The following SYN3 variants were observed in gnomAD, a reference collection of about 807,000 sequenced individuals.
SYN3 encodes the protein synapsin III, also known as synapsin-3.
In SYN3, 35 loss-of-function variants were observed where a neutral mutation model predicts 65.8. That is an observed-to-expected ratio of 0.53 (90% CI 0.41 to 0.70). SYN3 has a LOEUF of 0.70. SYN3 is among the 30% of genes least tolerant of loss of function. The probability of loss-of-function intolerance (pLI) is 0.00; values close to 1 mark genes in which losing one functional copy is unlikely to be tolerated. For missense variants in SYN3, 680 were observed against 749.0 expected (o/e 0.91, Z 1.08); for synonymous variants, 270 against 292.9 (o/e 0.92, Z 0.80).
intron 6 of SYN3, among the ~76,000 whole-genome samples, chr22:32,611,851 TC>T (rs2059450404): frequency 6.6e-6 from 1 of 152,168 alleles, no homozygotes; most frequent in South Asian, 2.1e-4. Context: ...CTTGGTGGGC[TC>T]CTGGATAGCT....
At chr22:32,766,102 G>A (rs978014433) in intron 6 of SYN3, among the ~76,000 whole-genome samples, 4 of 152,192 alleles carry the variant, frequency 2.6e-5, no homozygotes, top group Admixed American at 6.5e-5. Flanking sequence ...TGGAGAACTG[G>A]AGGAGGTATT....
chr22:32,541,627 G>A lies in SYN3; in HGVS notation c.861C>T (p.Ile287=), dbSNP rs746046047. 8.1e-6 allele frequency: 13 copies of A among 1,613,984 alleles called. No individual in the cohort carries two copies. Among genetic ancestry groups the A allele is most frequent in the Admixed American group, 3.3e-5 (2 of 59,994 alleles). The change falls in exon 8 of 14, where the codon ATC becomes ATT. Residue 287 remains isoleucine, a synonymous_variant. Transcript: ENST00000358763. Reference sequence around the variant, plus strand: ...GGATGCGGATGTCGTACTTGGAGTCGATGAAGGCCTCGGTGGTGGCGTAGG... The same window carrying A: ...GGATGCGGATGTCGTACTTGGAGTCAATGAAGGCCTCGGTGGTGGCGTAGG... The part of the protein sequence containing the change: ...AKTYATTEAF[I]DSKYDIRIQK...
At chr22:32,843,587 A>G (rs868370058) in intron 6 of SYN3, among the ~76,000 whole-genome samples, 18 of 152,278 alleles carry the variant, frequency 1.2e-4, no homozygotes, top group Middle Eastern at 3.4e-3. Context: ...GCCGTGAGAC[A>G]AGCTGGGTGA....
chr22:33,010,851 G>A (rs983906614), intron 1 of SYN3, among the ~76,000 whole-genome samples: 4 of 151,958 alleles, frequency 2.6e-5, no homozygotes, highest in African/African-American at 4.8e-5. Flanking sequence ...TTCCTATTTC[G>A]TTTGGGGTTT....
At chr22:32,851,664 A>T (rs1308730761) in intron 6 of SYN3, among the ~76,000 whole-genome samples, 1 of 152,188 alleles carries the variant, frequency 6.6e-6, no homozygotes, top group Non-Finnish European at 1.5e-5. Flanking sequence ...AGAGTCAAGC[A>T]TTTAACTAAG....
chr22:32,623,869 C>T (rs2059629134), intron 6 of SYN3, among the ~76,000 whole-genome samples: 1 of 152,162 alleles, frequency 6.6e-6, no homozygotes, highest in African/African-American at 2.4e-5. Context: ...GAGGTGTCCC[C>T]TCCCACCATA....
At position 32,785,471 on chromosome 22, in the gene SYN3, G is replaced by T. The variant is rs1420528874; in HGVS notation, c.711+79444C>A. ...CTGTAAGATGGAGTCCTGGGGGGCTGATGGAATAACACATGCTGGCTCCCA... is the reference window on the plus strand; with the variant it reads ...CTGTAAGATGGAGTCCTGGGGGGCTTATGGAATAACACATGCTGGCTCCCA... On this transcript the variant is annotated intron_variant, in intron 6 of 13. Coordinates refer to ENST00000358763, the MANE Select transcript of SYN3 (RefSeq NM_003490.4). Among the ~76,000 whole-genome samples the T allele has an allele frequency of 2.0e-5, 3 of 152,188 alleles. No homozygotes were observed. The South Asian group carries it at 6.2e-4, about 32-fold the overall frequency.
At chr22:33,018,168 G>C (rs1181389740) in intron 1 of SYN3, among the ~76,000 whole-genome samples, 1 of 152,210 alleles carries the variant, frequency 6.6e-6, no homozygotes, top group African/African-American at 2.4e-5. Flanking sequence ...AGCCAGACAG[G>C]TTAGAAGGCC....
At chr22:33,026,899 A>G (rs1277569884) in intron 1 of SYN3, among the ~76,000 whole-genome samples, 1 of 152,208 alleles carries the variant, frequency 6.6e-6, no homozygotes, top group Non-Finnish European at 1.5e-5. Context: ...TTCTGTTTTT[A>G]TCCCATTAGA....
intron 6 of SYN3, among the ~76,000 whole-genome samples, chr22:32,840,449 A>T (rs2047862420): frequency 1.3e-5 from 2 of 151,986 alleles, no homozygotes; most frequent in Admixed American, 1.3e-4. Context: ...TATTTGTGGG[A>T]CTTCTCTGAA....
chr22:32,684,119 C>T (rs965054436), intron 6 of SYN3, among the ~76,000 whole-genome samples: 1 of 152,158 alleles, frequency 6.6e-6, no homozygotes. Flanking sequence ...AGTGCTGCAT[C>T]CCTCCCAGGA....
chr22:32,595,395 T>A (rs941280577), intron 7 of SYN3, among the ~76,000 whole-genome samples: 6 of 152,238 alleles, frequency 3.9e-5, no homozygotes, highest in African/African-American at 1.4e-4. Flanking sequence ...TCTGCTGATC[T>A]TGGTAGATTC....
chr22:33,041,392 G>A (rs1002097619), intron 1 of SYN3, among the ~76,000 whole-genome samples: 1 of 150,292 alleles, frequency 6.7e-6, no homozygotes, highest in African/African-American at 2.5e-5. Flanking sequence ...CCAGGTTCAC[G>A]CCATTCTGCT....
chr22:32,762,370 A>G (rs1282277444), intron 6 of SYN3, among the ~76,000 whole-genome samples: 1 of 152,120 alleles, frequency 6.6e-6, no homozygotes, highest in Admixed American at 6.5e-5. Context: ...CCCTGTCCAT[A>G]CGTCTTTCCC....
At chr22:32,582,356 T>C (rs931224703) in intron 7 of SYN3, among the ~76,000 whole-genome samples, 2 of 42,886 alleles carry the variant, frequency 4.7e-5, no homozygotes, top group Admixed American at 5.0e-4. Context: ...CATTCTCCCT[T>C]TTTTTTTTTT....
rs133947 is a variant in SYN3 at position 33,007,940 on chromosome 22, A to AT, written c.-162-1117dup. Among the ~76,000 whole-genome samples the AT allele has an allele frequency of 3.4e-4, 50 of 146,382 alleles. No individual in the cohort carries two copies. The East Asian group carries it at 3.9e-3, about 12-fold the overall frequency. On this transcript the variant is annotated intron_variant, in intron 1 of 13. Transcript: ENST00000358763. The stretch of plus-strand genomic sequence containing the variant: ...TTTTTTGTTAAGATTATTATATACA[A>AT]TTTTTTTTTTTTTTGAAACGGGGTC...
In SYN3 at chr22:32,822,377, G is replaced by C. The variant is rs139933544; in HGVS notation, c.711+42538C>G. ...ATGTCCCTGGACTTGGCAGAGCAGT[G>C]TGGGGAATCTGGGACTTGCACTTCC... is the stretch of plus-strand genomic sequence containing the variant. On this transcript the variant is annotated intron_variant, in intron 6 of 13. Coordinates refer to ENST00000358763, the MANE Select transcript of SYN3 (RefSeq NM_003490.4). 2.6e-5 allele frequency among the ~76,000 whole-genome samples: 4 copies of C among 152,256 alleles called. No individual in the cohort carries two copies. In the East Asian group the frequency reaches 7.7e-4, roughly 29 times the overall value.
chr22:32,610,864 G>A (rs139407458), intron 6 of SYN3, among the ~76,000 whole-genome samples: 65 of 152,348 alleles, frequency 4.3e-4, no homozygotes, highest in African/African-American at 1.5e-3. Flanking sequence ...TTATAGGCAT[G>A]AGCCACTGCG....
At chr22:32,620,806 G>A (rs527481179) in intron 6 of SYN3, among the ~76,000 whole-genome samples, 13 of 151,692 alleles carry the variant, frequency 8.6e-5, no homozygotes, top group African/African-American at 1.9e-4. Flanking sequence ...TGCAACCTCC[G>A]CCTCCCGGGT....
Sources: gnomAD v4.1 joint callset for allele counts (sites outside exome capture counted in the v4.1 genomes callset) on GRCh38, gnomAD v4.1.1 for gene constraint, MANE v1.5 for transcripts, NCBI Gene and HGNC (gene_info 2026-07-23, HGNC 2026-07-21) for gene names.